Variants in MACROD2 observed in about 807,000 individuals in gnomAD.
MACROD2 encodes ADP-ribose glycohydrolase MACROD2.
A neutral mutation model predicts 70.4 loss-of-function variants in MACROD2; 36 were observed. The ratio of observed to expected loss-of-function variants is 0.51; its 90% CI spans 0.39 to 0.68. The LOEUF is 0.68. Among genes scored for constraint, MACROD2 ranks in the 30% least tolerant of loss-of-function variants. The pLI is 0.00. For missense variants in MACROD2, 496 were observed against 538.4 expected (o/e 0.92, Z 0.78); for synonymous variants, 172 against 178.8 (o/e 0.96, Z 0.30).
intron 15 of MACROD2, among the ~76,000 whole-genome samples, chr20:16,036,072 T>C (rs1268994622): frequency 2.0e-5 from 3 of 151,998 alleles, no homozygotes; most frequent in Admixed American, 1.3e-4. Context: ...AACATAGGTA[T>C]GGCAAAAGTT....
At chr20:15,412,982 G>A (rs538527730) in intron 6 of MACROD2, among the ~76,000 whole-genome samples, 3 of 152,288 alleles carry the variant, frequency 2.0e-5, no homozygotes, top group South Asian at 2.1e-4. Context: ...CTTACCATAA[G>A]TAACTAGAAA....
At chr20:15,461,183 T>C (rs555780700) in intron 7 of MACROD2, among the ~76,000 whole-genome samples, 171 of 151,380 alleles carry the variant, frequency 1.1e-3, no homozygotes, top group African/African-American at 3.9e-3. Context: ...CTGTATTGTA[T>C]GTTTTGGTAA....
At chr20:15,314,446 T>TA (rs1232250041) in intron 6 of MACROD2, among the ~76,000 whole-genome samples, 1 of 152,080 alleles carries the variant, frequency 6.6e-6, no homozygotes, top group East Asian at 1.9e-4. Flanking sequence ...AAATAATTGT[T>TA]AAAAAATGAT....
intron 4 of MACROD2, among the ~76,000 whole-genome samples, chr20:14,653,834 A>C (rs1324722645): frequency 1.3e-5 from 2 of 152,104 alleles, no homozygotes; most frequent in African/African-American, 2.4e-5. Flanking sequence ...ATGCCTCAAA[A>C]AGCAGTCCCC....
intron 8 of MACROD2, among the ~76,000 whole-genome samples, chr20:15,530,773 A>G (rs1394105130): frequency 6.6e-6 from 1 of 151,810 alleles, no homozygotes; most frequent in Non-Finnish European, 1.5e-5. Context: ...GTACGCGTAT[A>G]ATGTTTTTTC....
chr20:14,387,208 T>G (rs2083477445), intron 3 of MACROD2, among the ~76,000 whole-genome samples: 1 of 152,230 alleles, frequency 6.6e-6, no homozygotes, highest in African/African-American at 2.4e-5. Flanking sequence ...TGTGCCATAC[T>G]TTTCTGTTTC....
At chr20:15,774,523 A>C (rs1339262116) in intron 8 of MACROD2, among the ~76,000 whole-genome samples, 1 of 152,076 alleles carries the variant, frequency 6.6e-6, no homozygotes, top group African/African-American at 2.4e-5. Context: ...TTCCCCAAGG[A>C]GCTGGTAAAG....
chr20:15,809,216 A>T (rs16996594), intron 8 of MACROD2, among the ~76,000 whole-genome samples: 20,111 of 152,190 alleles, frequency 0.13, 1,497 homozygotes, highest in Middle Eastern at 0.29. Flanking sequence ...AACCTGCAAG[A>T]CACTGCATGA....
chr20:15,538,896 T>G (rs1180240056), intron 8 of MACROD2, among the ~76,000 whole-genome samples: 1 of 152,110 alleles, frequency 6.6e-6, no homozygotes, highest in Non-Finnish European at 1.5e-5. Context: ...CTACTGCTTT[T>G]TTTTGAGCTG....
chr20:14,470,399 C>T (rs1233064103), intron 3 of MACROD2, among the ~76,000 whole-genome samples: 9 of 152,142 alleles, frequency 5.9e-5, no homozygotes, highest in Admixed American at 1.3e-4. Flanking sequence ...TCAGGAGATA[C>T]GGGGATCGAG....
At chr20:15,086,396 A>C (rs2075748929) in intron 5 of MACROD2, among the ~76,000 whole-genome samples, 1 of 152,158 alleles carries the variant, frequency 6.6e-6, no homozygotes, top group Non-Finnish European at 1.5e-5. Context: ...ATTATGAACT[A>C]AGTAGGGAAG....
chr20:15,747,068 A>G (rs2051194638), intron 8 of MACROD2, among the ~76,000 whole-genome samples: 1 of 152,188 alleles, frequency 6.6e-6, no homozygotes, highest in South Asian at 2.1e-4. Context: ...GACCATAAAC[A>G]GGAGAATGGG....
intron 15 of MACROD2, among the ~76,000 whole-genome samples, chr20:15,994,300 T>C (rs1288051109): frequency 6.6e-6 from 1 of 151,954 alleles, no homozygotes; most frequent in African/African-American, 2.4e-5. Context: ...AGTTGTGAGA[T>C]GTGCCATTAT....
At chr20:14,404,694 AAGAC>A (rs1600206641) in intron 3 of MACROD2, among the ~76,000 whole-genome samples, 1 of 152,172 alleles carries the variant, frequency 6.6e-6, no homozygotes, top group African/African-American at 2.4e-5. Flanking sequence ...CTAGAGAAGA[AAGAC>A]ATGACCTAAC....
intron 6 of MACROD2, among the ~76,000 whole-genome samples, chr20:15,254,229 A>G (rs1038069140): frequency 3.3e-5 from 5 of 151,838 alleles, no homozygotes; most frequent in Non-Finnish European, 5.9e-5. Flanking sequence ...GTTAAGAGGT[A>G]ATTGATCAAG....
intron 4 of MACROD2, among the ~76,000 whole-genome samples, chr20:14,577,160 T>C (rs1326229636): frequency 6.6e-6 from 1 of 152,198 alleles, no homozygotes; most frequent in Non-Finnish European, 1.5e-5. Flanking sequence ...GTTTTAAATC[T>C]AAGGCCACTG....
intron 15 of MACROD2, among the ~76,000 whole-genome samples, chr20:16,009,631 C>CCTGTAATCCCAG (rs2066835199): frequency 6.6e-6 from 1 of 152,084 alleles, no homozygotes; most frequent in South Asian, 2.1e-4. Context: ...GTGGCGGGCA[C>CCTGTAATCCCAG]CTGTAATCCC....
In MACROD2 at chr20:15,852,062, G is replaced by A. The variant is rs538118266; in HGVS notation, c.646-10683G>A. ...TGCTTGCTGTGCTAGAATATAGAACGGCAGGCCCTAAGCCTGTGTGTGTGT... is the reference window on the plus strand; with the variant it reads ...TGCTTGCTGTGCTAGAATATAGAACAGCAGGCCCTAAGCCTGTGTGTGTGT... On this transcript the variant is annotated intron_variant, in intron 8 of 17. Transcript: ENST00000684519. 5.3e-5 allele frequency among the ~76,000 whole-genome samples: 8 copies of A among 152,286 alleles called. No individual in the cohort carries two copies. The East Asian group carries it at 9.6e-4, about 18-fold the overall frequency.
chr20:14,666,211 C>T (rs1213876038), intron 4 of MACROD2, among the ~76,000 whole-genome samples: 3 of 152,042 alleles, frequency 2.0e-5, no homozygotes, highest in Admixed American at 1.3e-4. Context: ...TATTAAGTTC[C>T]GGTTTCACAG....
Sources: gnomAD v4.1 joint callset for allele counts (sites outside exome capture counted in the v4.1 genomes callset) on GRCh38, gnomAD v4.1.1 for gene constraint, MANE v1.5 for transcripts, NCBI Gene and HGNC (gene_info 2026-07-23, HGNC 2026-07-21) for gene names.